The following ZNF180 variants were observed in gnomAD, a reference collection of about 807,000 sequenced individuals.
ZNF180 encodes the protein zinc finger protein 180.
Under a neutral mutation model 11.8 loss-of-function variants are expected in ZNF180, and 11 were observed. The observed-to-expected ratio is 0.93, with a 90% CI of 0.59 to 1.55. The LOEUF (loss-of-function observed/expected upper bound fraction) is 1.55. ZNF180 is among the 40% of genes most tolerant of loss of function. The probability of loss-of-function intolerance (pLI) is 0.00; values close to 1 mark genes in which losing one functional copy is unlikely to be tolerated. For synonymous variants in ZNF180, 287 were observed against 257.7 expected (o/e 1.11, Z -1.09); for missense variants, 773 against 781.7 (o/e 0.99, Z 0.13).
At chr19:44,490,389 C>T (rs1471586352) in intron 2 of ZNF180, among the ~76,000 whole-genome samples, 3 of 152,288 alleles carry the variant, frequency 2.0e-5, no homozygotes, top group South Asian at 4.1e-4. Context: ...ATAAAACTCA[C>T]AATGCCAAAA....
intron 1 of ZNF180, 77 bp from the exon 2 acceptor site, chr19:44,497,454 G>T: frequency 7.1e-7 from 1 of 1,407,880 alleles, no homozygotes; most frequent in Non-Finnish European, 9.4e-7. Flanking sequence ...ATTAGCCCCT[G>T]CTCCCAGGAT....
At chr19:44,482,005 C>G (rs2571043) in intron 3 of ZNF180, among the ~76,000 whole-genome samples, 78,560 of 152,074 alleles carry the variant, frequency 0.52, 21,021 homozygotes, top group South Asian at 0.69. Flanking sequence ...TGAAACTCAT[C>G]TTTTGTAACA....
chr19:44,487,438 TA>T (rs1269972587), intron 2 of ZNF180, among the ~76,000 whole-genome samples: 4 of 152,226 alleles, frequency 2.6e-5, no homozygotes, highest in Admixed American at 1.3e-4. Context: ...ACTGCCTTTT[TA>T]TTTTTTGTAG....
In ZNF180 at chr19:44,500,501, G is replaced by C. The variant is rs940259922; in HGVS notation, c.-270C>G. The C allele has an allele frequency of 3.7e-6, 2 of 545,112 alleles. No individual in the cohort carries two copies. The highest frequency in any genetic ancestry group is 6.5e-6 in the Non-Finnish European group (2 of 306,626). 33.8% of individuals were successfully genotyped at this position (545,112 alleles called of 1,614,324 possible). A position where few individuals can be genotyped will look rare whatever the true frequency, so the allele number is the denominator to read the frequency against. On this transcript the variant is annotated 5_prime_UTR_variant, in exon 1 of 5. Transcript: ENST00000592529. ...GCTCGGCGACAGCAAGCGTCCGCGC[G>C]CGGGACAATGGCTGCTCTTGTGGCC...
intron 2 of ZNF180, among the ~76,000 whole-genome samples, chr19:44,488,595 G>C (rs1399510490): frequency 1.3e-5 from 2 of 152,082 alleles, no homozygotes; most frequent in African/African-American, 4.8e-5. Flanking sequence ...GAGTGCAGTG[G>C]CGTGATCTCG....
At chr19:44,497,157 G>A in intron 2 of ZNF180, 127 bp downstream of exon 2, 1 of 628,562 alleles carries the variant, frequency 1.6e-6, no homozygotes, top group Non-Finnish European at 2.5e-6. Flanking sequence ...GTAAGTGTTA[G>A]AAGCCTGATG....
intron 3 of ZNF180, among the ~76,000 whole-genome samples, chr19:44,482,800 T>C (rs1350769533): frequency 1.3e-5 from 2 of 152,260 alleles, no homozygotes; most frequent in Non-Finnish European, 2.9e-5. Flanking sequence ...AGGGCTCCTG[T>C]GAGAAAACAC....
intron 3 of ZNF180, among the ~76,000 whole-genome samples, chr19:44,482,381 A>G (rs1970105429): frequency 6.6e-6 from 1 of 152,178 alleles, no homozygotes; most frequent in South Asian, 2.1e-4. Flanking sequence ...TCCCTGTGTT[A>G]ATGGAGACTT....
At chr19:44,489,879 AAGAGAG>A (rs923211587) in intron 2 of ZNF180, among the ~76,000 whole-genome samples, 155 of 117,146 alleles carry the variant, frequency 1.3e-3, no homozygotes, top group Non-Finnish European at 2.4e-3. Flanking sequence ...AAGAGAGAGA[AAGAGAG>A]AGAGAGAGAA....
intron 1 of ZNF180, among the ~76,000 whole-genome samples, chr19:44,498,331 C>A (rs517503): frequency 0.47 from 71,715 of 151,750 alleles, 17,873 homozygotes; most frequent in East Asian, 0.79. Context: ...AGGCACCCCA[C>A]CCTCTGCACT....
In ZNF180 at chr19:44,482,442, T is replaced by C. The variant is rs10500290; in HGVS notation, c.126+1919A>G. On this transcript the variant is annotated intron_variant, in intron 3 of 4. Transcript: ENST00000592529. Reference sequence around the variant, plus strand: ...CTCCTCAGTCCTCAGAGGCTAAGAATGCTCATACTCTCCCATCCTAGATCT... The same window carrying C: ...CTCCTCAGTCCTCAGAGGCTAAGAACGCTCATACTCTCCCATCCTAGATCT... 5.7e-3 allele frequency among the ~76,000 whole-genome samples: 863 copies of C among 152,266 alleles called. 6 individuals carry two copies. The highest frequency in any genetic ancestry group is 0.034 in the South Asian group (162 of 4,814).
At chr19:44,488,976 G>T (rs1281362205) in intron 2 of ZNF180, among the ~76,000 whole-genome samples, 6 of 150,358 alleles carry the variant, frequency 4.0e-5, no homozygotes, top group African/African-American at 1.5e-4. Context: ...GAGAAGTGAG[G>T]AGCCCCTCCG....
rs759344730 is a variant in ZNF180, at chr19:44,476,654, T to C, written c.1746A>G (p.Gln582=). The part of the protein sequence containing the change: ...HTGEKPYECS[Q]CGKSFRQSSC... ...AACTCTGTCTGAAGGACTTCCCACA[T>C]TGACTGCATTCATAGGGCTTTTCTC... The change falls in exon 5 of 5, where the codon CAA becomes CAG. Residue 582 remains glutamine (Q), a synonymous_variant. Transcript: ENST00000592529. 2.4e-5 allele frequency: 38 copies of C among 1,614,014 alleles called. No individual in the cohort carries two copies. The highest frequency in any genetic ancestry group is 5.0e-5 in the Admixed American group (3 of 60,000).
intron 1 of ZNF180, 97 bp from the exon 2 acceptor site, chr19:44,497,474 A>G: frequency 2.4e-6 from 3 of 1,244,652 alleles, no homozygotes; most frequent in Admixed American, 5.8e-5. Context: ...TGCAGGATGC[A>G]TTCCCATAGC....
At chr19:44,488,561 C>T (rs1970312608) in intron 2 of ZNF180, among the ~76,000 whole-genome samples, 1 of 152,116 alleles carries the variant, frequency 6.6e-6, no homozygotes. Context: ...CTCGTTCACT[C>T]AGTGCTCAAT....
rs538311711 is a variant in ZNF180, at chr19:44,488,782, C to T, written c.52-4347G>A. On this transcript the variant is annotated intron_variant, in intron 2 of 4. Coordinates refer to ENST00000592529, the MANE Select transcript of ZNF180 (RefSeq NM_001278509.3). ...GCTGCCCAGTCTGGAAAGTGAGGAG[C>T]GTCTCTGCCCGGCGGCCATCCCATC... 4.3e-3 allele frequency among the ~76,000 whole-genome samples: 646 copies of T among 151,416 alleles called. 1 individual carries two copies. The highest frequency in any genetic ancestry group is 7.2e-3 in the Non-Finnish European group (491 of 67,798).
intron 2 of ZNF180, among the ~76,000 whole-genome samples, chr19:44,493,407 C>A (rs1188464543): frequency 6.6e-6 from 1 of 152,218 alleles, no homozygotes; most frequent in African/African-American, 2.4e-5. Context: ...GGACTCGTGG[C>A]CTTCGTTCAA....
chr19:44,498,721 G>A (rs1434731362), intron 1 of ZNF180, among the ~76,000 whole-genome samples: 1 of 152,018 alleles, frequency 6.6e-6, no homozygotes. Flanking sequence ...CCACACACCT[G>A]GGCATCCTCA....
At chr19:44,486,001 T>C (rs1298797005) in intron 2 of ZNF180, among the ~76,000 whole-genome samples, 1 of 152,216 alleles carries the variant, frequency 6.6e-6, no homozygotes, top group Non-Finnish European at 1.5e-5. Context: ...ACAAGAAACC[T>C]CATTAGCAAG....
Sources: gnomAD v4.1 joint callset for allele counts (sites outside exome capture counted in the v4.1 genomes callset) on GRCh38, gnomAD v4.1.1 for gene constraint, MANE v1.5 for transcripts, NCBI Gene and HGNC (gene_info 2026-07-23, HGNC 2026-07-21) for gene names.